Variants in DAOA observed in about 807,000 individuals in gnomAD.
DAOA encodes the protein D-amino acid oxidase regulator.
DAOA carries 15 observed loss-of-function variants against 16.4 expected under a neutral mutation model. The ratio of observed to expected loss-of-function variants is 0.91; its 90% CI spans 0.61 to 1.41. DAOA has a LOEUF of 1.41. Ranked by LOEUF, DAOA falls within the 40% of genes most tolerant of loss-of-function variation. The pLI is 0.00. For synonymous variants in DAOA, 75 were observed against 59.1 expected (o/e 1.27, Z -1.23); for missense variants, 230 against 176.8 (o/e 1.30, Z -1.71).
In DAOA at chr13:105,467,138, A is replaced by C. The variant is rs1876580432; in HGVS notation, c.130A>C (p.Ile44Leu). The change falls in exon 3 of 6, where the codon ATT becomes CTT. Residue 44 changes from isoleucine (I) to leucine (L), a missense_variant. By Grantham distance (5) the Ile-to-Leu change is conservative. Coordinates refer to ENST00000375936, the MANE Select transcript of DAOA (RefSeq NM_172370.5). Reference sequence around the variant, plus strand: ...CAAATCTGAAAACTCTCTAAACTCTATTGGTATGTTACTCTTTATCTTTAT... The same window carrying C: ...CAAATCTGAAAACTCTCTAAACTCTCTTGGTATGTTACTCTTTATCTTTAT... ...LSKSENSLNS[I>L]AKETEEGRET... The C allele has an allele frequency of 6.2e-7, 1 of 1,606,092 alleles. No individual in the cohort carries two copies. Among genetic ancestry groups the C allele is most frequent in the African/African-American group, 1.3e-5 (1 of 74,806 alleles).
rs72549491 is a variant in DAOA, at chr13:105,489,874, G to A, written c.282-27G>A. ...ATGAGGTTACCTTTCACAAGACCTG[G>A]CCAACTGAGACCGGATCTCCTTACA... On this transcript the variant is annotated intron_variant, in intron 4 of 5. Transcript: ENST00000375936. 8.2e-5 allele frequency: 133 copies of A among 1,613,732 alleles called. 1 individual carries two copies. Among genetic ancestry groups the A allele is most frequent in the Admixed American group, 3.0e-4 (18 of 59,956 alleles).
chr13:105,466,942 G>T, intron 2 of DAOA, 111 bp from the exon 3 acceptor site: 1 of 1,297,124 alleles, frequency 7.7e-7, no homozygotes, highest in Non-Finnish European at 1.0e-6. Context: ...TTAAAAATAT[G>T]AAAGTGCTAA....
intron 4 of DAOA, among the ~76,000 whole-genome samples, chr13:105,486,617 C>CTT (rs758250616): frequency 1.3e-4 from 17 of 132,250 alleles, no homozygotes; most frequent in Non-Finnish European, 2.2e-4. Context: ...TTCTTTCTTT[C>CTT]TTTCTTTTTT....
upstream of DAOA, chr13:105,465,969 A>G (rs1222198368): frequency 7.3e-6 from 2 of 272,288 alleles, no homozygotes; most frequent in African/African-American, 2.2e-5. Context: ...AACAATATTG[A>G]TCTTGAGTTA....
Position 105,489,986 on chromosome 13 carries a change from A to G in DAOA, c.367A>G (p.Arg123Gly), listed in dbSNP as rs1594122794. 2 of 1,613,284 alleles carry G rather than the reference A, an allele frequency of 1.2e-6. No individual in the cohort carries two copies. The highest frequency in any genetic ancestry group is 1.7e-6 in the Non-Finnish European group (2 of 1,179,770). ...FLAYEASKDR[R>G]QPLERMWTCN... The stretch of plus-strand genomic sequence containing the variant: ...TGCCTATGAGGCCTCTAAGGACCGC[A>G]GGCAGCCTCTAGAACGAATGTGGAC... The change falls in exon 5 of 6, where the codon AGG becomes GGG. Residue 123 changes from arginine (R) to glycine (G), a missense_variant. Physicochemically the swap from Arg to Gly is moderately radical, Grantham distance 125. Coordinates refer to ENST00000375936, the MANE Select transcript of DAOA (RefSeq NM_172370.5).
At chr13:105,481,580 A>T (rs960109968) in intron 4 of DAOA, among the ~76,000 whole-genome samples, 1 of 152,180 alleles carries the variant, frequency 6.6e-6, no homozygotes, top group Non-Finnish European at 1.5e-5. Context: ...CATAAAAAAC[A>T]GACTCCCTTA....
chr13:105,466,857 A>T (rs149153659), intron 2 of DAOA, 196 bp from the exon 3 acceptor site: 62 of 673,934 alleles, frequency 9.2e-5, no homozygotes, highest in African/African-American at 8.5e-4. Context: ...GCAATTTATA[A>T]AAAAAAAATG....
intron 4 of DAOA, among the ~76,000 whole-genome samples, chr13:105,487,122 C>A (rs751624833): frequency 6.6e-6 from 1 of 152,072 alleles, no homozygotes; most frequent in Non-Finnish European, 1.5e-5. Context: ...TGAAAGCCAG[C>A]AGAGGGTAGA....
chr13:105,475,288 A>G (rs973872315), intron 4 of DAOA, among the ~76,000 whole-genome samples: 1 of 152,180 alleles, frequency 6.6e-6, no homozygotes. Flanking sequence ...TTTCATCTTG[A>G]AATCTCACAA....
chr13:105,478,606 A>G (rs1253477588), intron 4 of DAOA, among the ~76,000 whole-genome samples: 2 of 152,136 alleles, frequency 1.3e-5, no homozygotes, highest in South Asian at 2.1e-4. Flanking sequence ...TTAGACTAGA[A>G]CCTTCTCTGC....
intron 5 of DAOA, chr13:105,490,604 T>C (rs982229362): frequency 6.6e-6 from 1 of 152,194 alleles, no homozygotes; most frequent in African/African-American, 2.4e-5. Context: ...CCTACTTTTA[T>C]AATTTCTAAC....
intron 4 of DAOA, among the ~76,000 whole-genome samples, chr13:105,483,193 T>C (rs115418565): frequency 0.013 from 1,982 of 152,302 alleles, 46 homozygotes; most frequent in African/African-American, 0.044. Context: ...TTATTTTTAG[T>C]CTCATCTTCG....
chr13:105,474,925 C>T (rs1250509873), intron 4 of DAOA: 1 of 667,258 alleles, frequency 1.5e-6, no homozygotes, highest in East Asian at 1.4e-4. Flanking sequence ...TGAAATTAAG[C>T]AGAAGATTGT....
chr13:105,466,082 A>G (rs1177612086), intron 1 of DAOA, 22 bp downstream of exon 1: 2 of 670,470 alleles, frequency 3.0e-6, no homozygotes, highest in African/African-American at 1.8e-5. Flanking sequence ...TTGGATACAT[A>G]CATAACAGTG....
chr13:105,487,638 A>T (rs574506665), intron 4 of DAOA, among the ~76,000 whole-genome samples: 1 of 152,128 alleles, frequency 6.6e-6, no homozygotes, highest in Non-Finnish European at 1.5e-5. Flanking sequence ...GCTAGAGGGA[A>T]TAGAGTAAAT....
chr13:105,469,044 G>A (rs768577932), intron 3 of DAOA, among the ~76,000 whole-genome samples: 27 of 152,174 alleles, frequency 1.8e-4, no homozygotes, highest in Non-Finnish European at 3.7e-4. Flanking sequence ...TAAGAAGACA[G>A]CAGACATCAG....
intron 3 of DAOA, among the ~76,000 whole-genome samples, 158 bp from the exon 4 acceptor site, chr13:105,472,380 T>G: frequency 6.6e-6 from 1 of 152,188 alleles, no homozygotes; most frequent in Non-Finnish European, 1.5e-5. Context: ...AGATGACATT[T>G]GAGTCTCTGA....
chr13:105,479,444 T>C (rs896085025), intron 4 of DAOA, among the ~76,000 whole-genome samples: 2 of 152,196 alleles, frequency 1.3e-5, no homozygotes, highest in African/African-American at 4.8e-5. Flanking sequence ...TATTGTCTCA[T>C]AGTTCTGGAG....
chr13:105,467,992 G>A (rs1247553916), intron 3 of DAOA, among the ~76,000 whole-genome samples: 1 of 152,158 alleles, frequency 6.6e-6, no homozygotes, highest in Non-Finnish European at 1.5e-5. Context: ...AGGCTCCAGG[G>A]CTGAGTCCAT....
Sources: gnomAD v4.1 joint callset for allele counts (sites outside exome capture counted in the v4.1 genomes callset) on GRCh38, gnomAD v4.1.1 for gene constraint, MANE v1.5 for transcripts, NCBI Gene and HGNC (gene_info 2026-07-23, HGNC 2026-07-21) for gene names.